PHF8: variants seen among roughly 807,000 people sequenced by gnomAD.
PHF8 encodes histone lysine demethylase PHF8.
PHF8 carries 9 observed loss-of-function variants against 74.4 expected under a neutral mutation model. The observed-to-expected ratio is 0.12, with a 90% CI of 0.07 to 0.21. The LOEUF (loss-of-function observed/expected upper bound fraction) is 0.21. Among genes scored for constraint, PHF8 ranks in the 10% least tolerant of loss-of-function variants. PHF8 has a pLI of 1.00. For synonymous variants in PHF8, 311 were observed against 316.6 expected (o/e 0.98, Z 0.19); for missense variants, 478 against 816.6 (o/e 0.59, Z 5.05).
Position 53,993,734 on chromosome X carries a change from T to C in PHF8, c.1493A>G (p.Lys498Arg). The change falls in exon 13 of 22, where the codon AAG becomes AGG. Residue 498 changes from lysine (K) to arginine (R), a missense_variant. Coordinates refer to ENST00000338154, the MANE Select transcript of PHF8 (RefSeq NM_015107.3). ...TCGCTCTGCCTTCTTGAAGAGTTCC[T>C]TGGGCTTCAGGCCTTTCTTCTTTGA... Reference protein sequence around the residue: ...NGSKKKGLKPKELFKKAERKG... With the variant: ...NGSKKKGLKPRELFKKAERKG... 1 of 1,211,857 alleles carries C rather than the reference T, an allele frequency of 8.3e-7. No homozygotes were observed.
upstream of PHF8, among the ~76,000 whole-genome samples, chrX:54,047,162 A>T (rs1242544020): frequency 8.9e-6 from 1 of 112,016 alleles, no homozygotes; most frequent in African/African-American, 3.2e-5. Context: ...GGGGGGAAAA[A>T]ATTGGTCCAG....
At chrX:53,962,969 T>C in intron 18 of PHF8, 30 bp from the exon 19 acceptor site, 1 of 897,061 alleles carries the variant, frequency 1.1e-6, no homozygotes, top group Non-Finnish European at 1.6e-6. Flanking sequence ...CAGGGTAAAA[T>C]GAGATTTCAT....
At chrX:54,022,676 A>G in intron 3 of PHF8, 82 bp downstream of exon 3, 1 of 636,097 alleles carries the variant, frequency 1.6e-6, no homozygotes. Context: ...GTGCTCAGGC[A>G]AAAGCAATCA....
chrX:54,002,905 T>C (rs1557104499), intron 8 of PHF8, among the ~76,000 whole-genome samples: 1 of 111,828 alleles, frequency 8.9e-6, no homozygotes, highest in Non-Finnish European at 1.9e-5. Context: ...CATGAGAATA[T>C]TATGATGTTC....
At chrX:53,977,290 G>A (rs919548773) in intron 18 of PHF8, among the ~76,000 whole-genome samples, 17 of 112,241 alleles carry the variant, frequency 1.5e-4, no homozygotes, top group Admixed American at 2.8e-4. Flanking sequence ...AGCCGAGATC[G>A]TGCCACTGCA....
chrX:54,002,041 A>C, intron 10 of PHF8, 114 bp downstream of exon 10: 1 of 518,875 alleles, frequency 1.9e-6, no homozygotes, highest in Non-Finnish European at 3.5e-6. Flanking sequence ...ATATACTGAG[A>C]TCTTTCTGGT....
At chrX:53,957,610 T>A (rs191651958) in intron 19 of PHF8, among the ~76,000 whole-genome samples, 1 of 112,131 alleles carries the variant, frequency 8.9e-6, no homozygotes, top group East Asian at 2.8e-4. Flanking sequence ...TCTTTCCTGC[T>A]TACTAACAAA....
chrX:54,030,352 C>T (rs185689103), intron 2 of PHF8, among the ~76,000 whole-genome samples: 1 of 111,648 alleles, frequency 9.0e-6, no homozygotes, highest in African/African-American at 3.3e-5. Context: ...GTGGTAAATG[C>T]TGATTTGCTC....
intron 19 of PHF8, 93 bp from the exon 20 acceptor site, chrX:53,944,336 A>C: frequency 1.8e-4 from 116 of 628,162 alleles, no homozygotes; most frequent in Non-Finnish European, 2.8e-4. Context: ...AGGTACTCTC[A>C]TTGGTCTTCC....
chrX:53,976,972 A>G (rs1344329598), intron 18 of PHF8, among the ~76,000 whole-genome samples: 2 of 112,294 alleles, frequency 1.8e-5, no homozygotes, highest in Non-Finnish European at 3.8e-5. Flanking sequence ...AAAAATAAAT[A>G]AATAAAAAAT....
upstream of PHF8, chrX:54,045,006 A>C: frequency 1.5e-6 from 1 of 652,566 alleles, no homozygotes; most frequent in Non-Finnish European, 2.4e-6. Context: ...CGAGAAGCCA[A>C]GTGACTTGAG....
At chrX:53,991,583 A>G (rs2065661082) in intron 14 of PHF8, among the ~76,000 whole-genome samples, 2 of 104,480 alleles carry the variant, frequency 1.9e-5, no homozygotes, top group South Asian at 9.1e-4. Flanking sequence ...AATCACTTGA[A>G]CCGAGCAGGG....
In PHF8 at chrX:53,938,215, T is replaced by C. The variant is rs2064696137; in HGVS notation, c.*943A>G. On this transcript the variant is annotated 3_prime_UTR_variant, in exon 22 of 22. Transcript: ENST00000338154. The stretch of plus-strand genomic sequence containing the variant: ...TCCATAATGTCCAGGCTGTGCTCTG[T>C]GGTATAGGCGGAGCAAGCAGGCTGT... 8 of 1,055,176 alleles carry C rather than the reference T, an allele frequency of 7.6e-6. No individual in the cohort carries two copies. Among genetic ancestry groups the C allele is most frequent in the Non-Finnish European group, 9.7e-6 (8 of 822,576 alleles). The allele number at this position is 1,055,176 out of a possible 1,213,427, so 87.0% of individuals were successfully genotyped here. A position where few individuals can be genotyped will look rare whatever the true frequency, so the allele number is the denominator to read the frequency against.
At chrX:54,002,045 T>C (rs372854687) in intron 10 of PHF8, 110 bp downstream of exon 10, 20 of 520,395 alleles carry the variant, frequency 3.8e-5, no homozygotes, top group East Asian at 2.1e-4. Context: ...ACTGAGATCT[T>C]TCTGGTAATG....
upstream of PHF8, among the ~76,000 whole-genome samples, chrX:54,047,461 A>G (rs1466919778): frequency 1.2e-4 from 14 of 112,087 alleles, no homozygotes; most frequent in Admixed American, 1.3e-3. Context: ...TCTACTATGC[A>G]TCATGCACTG....
chrX:53,939,060 C>T lies in PHF8; in HGVS notation c.*98G>A. 1.7e-6 allele frequency: 2 copies of T among 1,154,931 alleles called. No individual in the cohort carries two copies. The highest frequency in any genetic ancestry group is 2.3e-6 in the Non-Finnish European group (2 of 865,253). ...AAGAAAGCAGGACAATGCACCTCAGCACCTTGTCCAGGGCAGATAGGATCC... is the reference window on the plus strand; with the variant it reads ...AAGAAAGCAGGACAATGCACCTCAGTACCTTGTCCAGGGCAGATAGGATCC... On this transcript the variant is annotated 3_prime_UTR_variant, in exon 22 of 22. Transcript: ENST00000338154.
intron 2 of PHF8, 90 bp downstream of exon 2, chrX:54,042,541 G>A (rs1268432902): frequency 7.3e-6 from 6 of 822,501 alleles, no homozygotes; most frequent in African/African-American, 4.0e-5. Flanking sequence ...GTCCTGAGCC[G>A]GAATCTAAAA....
At chrX:54,047,886 G>A (rs1396339379), upstream of PHF8, among the ~76,000 whole-genome samples, 1 of 111,877 alleles carries the variant, frequency 8.9e-6, no homozygotes, top group Admixed American at 9.5e-5. Context: ...TAGGGACAAA[G>A]GCAAAAGGAA....
At chrX:53,995,113 T>A (rs1557102423) in intron 12 of PHF8, 1 of 335,728 alleles carries the variant, frequency 3.0e-6, no homozygotes, top group Non-Finnish European at 6.0e-6. Flanking sequence ...AGAACCCAGG[T>A]TTCTCTGAAT....
Sources: gnomAD v4.1 joint callset for allele counts (sites outside exome capture counted in the v4.1 genomes callset) on GRCh38, gnomAD v4.1.1 for gene constraint, MANE v1.5 for transcripts, NCBI Gene and HGNC (gene_info 2026-07-23, HGNC 2026-07-21) for gene names.